DSG2: variants seen among roughly 807,000 people sequenced by gnomAD.
DSG2 encodes the protein desmoglein-2.
A neutral mutation model predicts 75.6 loss-of-function variants in DSG2; 45 were observed. The observed-to-expected ratio is 0.60, with a 90% CI of 0.47 to 0.76. The LOEUF is 0.76. Among genes scored for constraint, DSG2 ranks in the 30% least tolerant of loss-of-function variants. The probability of loss-of-function intolerance (pLI) is 0.00; values close to 1 mark genes in which losing one functional copy is unlikely to be tolerated. For synonymous variants in DSG2, 429 were observed against 483.9 expected (o/e 0.89, Z 1.49); for missense variants, 1,267 against 1,357.4 (o/e 0.93, Z 1.05).
chr18:31,524,782 C>T lies in DSG2; in HGVS notation c.908C>T (p.Ser303Phe), dbSNP rs757792714. 8.1e-6 allele frequency: 13 copies of T among 1,614,004 alleles called. No homozygotes were observed. Among genetic ancestry groups the T allele is most frequent in the Admixed American group, 1.7e-5 (1 of 60,006 alleles). Residue 303 changes from serine to phenylalanine, a missense_variant, in exon 8 of 15, where the codon TCT becomes TTT. Transcript: ENST00000261590. ...IKVFDADEIG[S>F]DNWLANFTFA... ...GTGTTCGATGCAGATGAAATAGGTT[C>T]TGATAATTGGCTGGCAAATTTTACA...
At chr18:31,530,853 G>A in intron 8 of DSG2, 134 bp from the exon 9 acceptor site, 1 of 805,306 alleles carries the variant, frequency 1.2e-6, no homozygotes, top group Non-Finnish European at 2.0e-6. Flanking sequence ...ATAAGAGTTG[G>A]ACTATTCAGT....
At position 31,521,184 on chromosome 18, in the gene DSG2, A is replaced by G. The variant is rs2073125926; in HGVS notation, c.464A>G (p.Asn155Ser). 4 of 1,614,006 alleles carry G rather than the reference A, an allele frequency of 2.5e-6. No homozygotes were observed. Among genetic ancestry groups the G allele is most frequent in the Admixed American group, 3.3e-5 (2 of 60,012 alleles). Reference sequence around the variant, plus strand: ...ATTAAGGTTCTTGATATCAATGACAACGAACCAGTGTTCACACAGGATGTC... The same window carrying G: ...ATTAAGGTTCTTGATATCAATGACAGCGAACCAGTGTTCACACAGGATGTC... ...LRIKVLDIND[N>S]EPVFTQDVFV... The change falls in exon 5 of 15, where the codon AAC (asparagine) becomes AGC (serine). Residue 155 changes from asparagine to serine, a missense_variant. By Grantham distance (46) the Asn-to-Ser change is conservative (BLOSUM62 1). Coordinates refer to ENST00000261590, the MANE Select transcript of DSG2 (RefSeq NM_001943.5).
intron 8 of DSG2, among the ~76,000 whole-genome samples, chr18:31,525,590 T>C (rs1395036458): frequency 6.6e-6 from 1 of 151,590 alleles, no homozygotes; most frequent in Non-Finnish European, 1.5e-5. Context: ...ATAAAAGCTG[T>C]GATAACTTGA....
intron 9 of DSG2, among the ~76,000 whole-genome samples, chr18:31,534,625 CA>C (rs1382743548): frequency 4.0e-5 from 6 of 151,224 alleles, no homozygotes; most frequent in Non-Finnish European, 8.8e-5. Flanking sequence ...GTTCTCCTGC[CA>C]CAGCCTCCTG....
chr18:31,522,576 A>G (rs971693703), intron 6 of DSG2: 8 of 191,258 alleles, frequency 4.2e-5, no homozygotes, highest in Admixed American at 2.1e-4. Flanking sequence ...TATTTTAGAT[A>G]TCATAGATTA....
chr18:31,504,086 A>T (rs1282948021), intron 1 of DSG2, among the ~76,000 whole-genome samples: 1 of 152,136 alleles, frequency 6.6e-6, no homozygotes, highest in Admixed American at 6.5e-5. Context: ...ACATTCGTCC[A>T]CTCAACAAAT....
rs1235715453 is a variant in DSG2, at chr18:31,522,207, T to C, written c.648T>C (p.Asp216=). The change falls in exon 6 of 15, where the codon GAT becomes GAC. Residue 216 remains aspartate (D), a synonymous_variant. Transcript: ENST00000261590. ...CTCCAGTGTTCTACCTAAATAAAGA[T>C]ACAGGAGAGATTTATACAACCAGTG... ...AYPPVFYLNK[D]TGEIYTTSVT... 1.9e-6 allele frequency: 3 copies of C among 1,613,776 alleles called. No individual in the cohort carries two copies. Among genetic ancestry groups the C allele is most frequent in the Non-Finnish European group, 1.7e-6 (2 of 1,179,822 alleles).
At chr18:31,542,329 A>G in intron 13 of DSG2, 191 bp from the exon 14 acceptor site, 1 of 652,008 alleles carries the variant, frequency 1.5e-6, no homozygotes, top group Non-Finnish European at 2.7e-6. Flanking sequence ...CACCTATAAA[A>G]CAAGAAGAGA....
intron 14 of DSG2, among the ~76,000 whole-genome samples, chr18:31,545,098 G>A (rs1025818343): frequency 4.6e-5 from 7 of 152,036 alleles, no homozygotes; most frequent in Non-Finnish European, 8.8e-5. Flanking sequence ...CAATTCTAGC[G>A]TCCTGTTTGT....
chr18:31,544,079 T>A (rs2073288400), intron 14 of DSG2, among the ~76,000 whole-genome samples: 2 of 152,096 alleles, frequency 1.3e-5, no homozygotes, highest in Admixed American at 1.3e-4. Context: ...ATAATGATAG[T>A]TGGAGAGTTC....
In DSG2 at chr18:31,531,140, A is replaced by G; in HGVS notation, c.1168A>G (p.Ser390Gly). The G allele has an allele frequency of 6.2e-7, 1 of 1,614,194 alleles. No individual in the cohort carries two copies. Among genetic ancestry groups the G allele is most frequent in the East Asian group, 2.2e-5 (1 of 44,872 alleles). ...KNVKEGIHFK[S>G]SVISIYVSES... ...TGTGAAAGAAGGCATTCATTTTAAA[A>G]GCAGCGTCATCTCAATTTATGTTAG... Residue 390 changes from serine to glycine, a missense_variant, in exon 9 of 15, where the codon AGC becomes GGC. Ser to Gly is a moderately conservative substitution (Grantham distance 56). Transcript: ENST00000261590.
chr18:31,528,803 T>C (rs1293457461), intron 8 of DSG2, among the ~76,000 whole-genome samples: 2 of 152,048 alleles, frequency 1.3e-5, no homozygotes, highest in African/African-American at 4.8e-5. Flanking sequence ...ACTTGAAATT[T>C]CTAGAAAAGG....
Position 31,548,641 on chromosome 18 carries a change from C to G in DSG2, c.*1898C>G, listed in dbSNP as rs1439925147. ...CTAGTATATGAAAATGTAAATATCA[C>G]TTGTGTACTCAAACAAAAGTTGGTC... On this transcript the variant is annotated 3_prime_UTR_variant, in exon 15 of 15. Transcript: ENST00000261590. 1 of 152,294 alleles carries G rather than the reference C, an allele frequency of 6.6e-6. No individual in the cohort carries two copies. Among genetic ancestry groups the G allele is most frequent in the East Asian group, 1.9e-4 (1 of 5,184 alleles). The allele number at this position is 152,294 out of a possible 1,614,324, so 9.4% of individuals were successfully genotyped here.
rs2073301934 is a variant in DSG2, at chr18:31,545,842, G to A, written c.2456G>A (p.Gly819Glu). 1.2e-6 allele frequency: 2 copies of A among 1,614,016 alleles called. No homozygotes were observed. The highest frequency in any genetic ancestry group is 1.3e-5 in the African/African-American group (1 of 74,888). The change falls in exon 15 of 15, where the codon GGA (glycine) becomes GAA (glutamate). Residue 819 changes from glycine (G) to glutamate (E), a missense_variant. Gly to Glu is a moderately conservative substitution (Grantham distance 98). Transcript: ENST00000261590. ...ATTGGTTGTTGCAGTTTTATTGAAG[G>A]AGAGCTAGATGACCGCTTCTTAGAT... ...ASIGCCSFIE[G>E]ELDDRFLDDL...
At chr18:31,519,467 G>A (rs886356279) in intron 2 of DSG2, among the ~76,000 whole-genome samples, 2 of 152,190 alleles carry the variant, frequency 1.3e-5, no homozygotes, top group South Asian at 2.1e-4. Flanking sequence ...AGGAGGCTGA[G>A]GCAGGAAGAT....
At chr18:31,501,705 C>T (rs2073014767) in intron 1 of DSG2, among the ~76,000 whole-genome samples, 1 of 152,194 alleles carries the variant, frequency 6.6e-6, no homozygotes, top group South Asian at 2.1e-4. Context: ...CCAAATTTCC[C>T]CATTTTATAA....
intron 6 of DSG2, among the ~76,000 whole-genome samples, chr18:31,522,975 T>C (rs1208044550): frequency 1.3e-5 from 2 of 152,202 alleles, no homozygotes; most frequent in Non-Finnish European, 2.9e-5. Context: ...AAAGGGGAGA[T>C]AGAAGATTTT....
intron 6 of DSG2, among the ~76,000 whole-genome samples, chr18:31,524,215 A>C (rs2073146870): frequency 6.6e-6 from 1 of 152,244 alleles, no homozygotes; most frequent in African/African-American, 2.4e-5. Flanking sequence ...TCCTGATAAT[A>C]TCACCAATGA....
chr18:31,524,923 A>G (rs748361647), intron 8 of DSG2, 35 bp downstream of exon 8: 11 of 1,599,336 alleles, frequency 6.9e-6, no homozygotes, highest in Non-Finnish European at 9.4e-6. Context: ...GCGTGGGCCA[A>G]GTTGGTGCTG....
Sources: gnomAD v4.1 joint callset for allele counts (sites outside exome capture counted in the v4.1 genomes callset) on GRCh38, gnomAD v4.1.1 for gene constraint, MANE v1.5 for transcripts, NCBI Gene and HGNC (gene_info 2026-07-23, HGNC 2026-07-21) for gene names.